Variants in KBTBD12 observed in about 807,000 individuals in gnomAD.
The protein encoded by KBTBD12 is kelch repeat and BTB domain-containing protein 12.
KBTBD12 carries 53 observed loss-of-function variants against 58.7 expected under a neutral mutation model. That is an observed-to-expected ratio of 0.90 (90% CI 0.72 to 1.14). KBTBD12 has a LOEUF of 1.14. KBTBD12 is among the 50% of genes most tolerant of loss of function. The pLI is 0.00. For synonymous variants in KBTBD12, 236 were observed against 259.8 expected, an observed-to-expected ratio of 0.91 and a Z score of 0.88; for missense variants, 704 against 751.3, an observed-to-expected ratio of 0.94 and a Z score of 0.74.
In KBTBD12 at chr3:127,984,235, T is replaced by A. The variant is rs1940926809; in HGVS notation, c.1829T>A (p.Ile610Asn). 5.6e-6 allele frequency: 9 copies of A among 1,613,656 alleles called. No individual in the cohort carries two copies. The South Asian group carries it at 8.8e-5, about 16-fold the overall frequency. Residue 610 changes from isoleucine to asparagine, a missense_variant, in exon 6 of 6, where the codon ATC becomes AAC. Ile to Asn is a moderately radical substitution (Grantham distance 149). Transcript: ENST00000405109. ...LVARMNPRDL[I>N]PPPSDLVEEG... The stretch of plus-strand genomic sequence containing the variant: ...GCCAGGATGAATCCCCGAGACCTCA[T>A]CCCCCCGCCTTCAGATTTGGTGGAA...
chr3:127,933,211 T>G (rs1251808450), intron 4 of KBTBD12, among the ~76,000 whole-genome samples: 2 of 152,200 alleles, frequency 1.3e-5, no homozygotes, highest in Admixed American at 6.5e-5. Context: ...ATACTGAGCT[T>G]GAAGTAAGAC....
intron 4 of KBTBD12, among the ~76,000 whole-genome samples, chr3:127,935,182 C>A (rs1939801240): frequency 6.6e-6 from 1 of 152,166 alleles, no homozygotes; most frequent in African/African-American, 2.4e-5. Context: ...ATAAGCCCAT[C>A]ATGAAGTTGA....
Position 127,922,897 on chromosome 3 carries a change from A to G in KBTBD12, c.-112-53A>G, listed in dbSNP as rs1408412237. ...TTTTTAGAACTAATGCTGCATATCT[A>G]AATTATAGAGAATTTTTTCTTAGAA... On this transcript the variant is annotated intron_variant, in intron 1 of 5. Transcript: ENST00000405109. 1.3e-5 allele frequency: 7 copies of G among 553,946 alleles called. No homozygotes were observed. The Admixed American group carries it at 2.3e-4, about 18-fold the overall frequency. The allele number at this position is 553,946 out of a possible 1,614,324, so 34.3% of individuals were successfully genotyped here. A position where few individuals can be genotyped will look rare whatever the true frequency, so the allele number is the denominator to read the frequency against.
At chr3:127,927,508 T>G (rs1261242827) in intron 2 of KBTBD12, among the ~76,000 whole-genome samples, 1 of 152,162 alleles carries the variant, frequency 6.6e-6, no homozygotes, top group Non-Finnish European at 1.5e-5. Flanking sequence ...TCCTGGAAAA[T>G]CTATACTTTT....
At chr3:127,946,738 C>T (rs1233929589) in intron 4 of KBTBD12, among the ~76,000 whole-genome samples, 2 of 152,050 alleles carry the variant, frequency 1.3e-5, no homozygotes, top group Non-Finnish European at 2.9e-5. Flanking sequence ...CCCTTCTTTC[C>T]TTGTGAGATG....
Position 127,984,236 on chromosome 3 carries a change from C to T in KBTBD12, c.1830C>T (p.Ile610=), listed in dbSNP as rs780428981. The change falls in exon 6 of 6, where the codon ATC becomes ATT. Residue 610 remains isoleucine, a synonymous_variant. Coordinates refer to ENST00000405109, the MANE Select transcript of KBTBD12 (RefSeq NM_207335.4). ...LVARMNPRDL[I]PPPSDLVEEG... The stretch of plus-strand genomic sequence containing the variant: ...CCAGGATGAATCCCCGAGACCTCAT[C>T]CCCCCGCCTTCAGATTTGGTGGAAG... The T allele has an allele frequency of 3.1e-6, 5 of 1,613,832 alleles. No homozygotes were observed. Among genetic ancestry groups the T allele is most frequent in the East Asian group, 2.2e-5 (1 of 44,874 alleles).
Position 127,976,087 on chromosome 3 carries a change from T to C in KBTBD12, c.1691-8010T>C, listed in dbSNP as rs192711039. ...CATATAGACAGGTACATAATTTTGT[T>C]CTGACCATATGCAAGTAAGCTGCAT... On this transcript the variant is annotated intron_variant, in intron 5 of 5. Coordinates refer to ENST00000405109, the MANE Select transcript of KBTBD12 (RefSeq NM_207335.4). Among the ~76,000 whole-genome samples the C allele has an allele frequency of 5.9e-5, 9 of 152,352 alleles. No individual in the cohort carries two copies. In the East Asian group the frequency reaches 1.7e-3, roughly 29 times the overall value.
At chr3:127,925,556 G>A (rs10934832) in intron 2 of KBTBD12, among the ~76,000 whole-genome samples, 7,394 of 152,040 alleles carry the variant, frequency 0.049, 248 homozygotes, top group East Asian at 0.15. Context: ...GTCCTCAGAC[G>A]TCTTTCCTTT....
chr3:127,955,196 G>C (rs151189154), intron 4 of KBTBD12, among the ~76,000 whole-genome samples: 4 of 152,290 alleles, frequency 2.6e-5, no homozygotes, highest in Non-Finnish European at 4.4e-5. Context: ...TTGAAATAGG[G>C]ACTTTTCATT....
chr3:127,977,772 A>T (rs1576397284), intron 5 of KBTBD12, among the ~76,000 whole-genome samples: 1 of 152,168 alleles, frequency 6.6e-6, no homozygotes, highest in African/African-American at 2.4e-5. Flanking sequence ...CCCATTCTAT[A>T]GGTTGTTTGT....
intron 1 of KBTBD12, among the ~76,000 whole-genome samples, chr3:127,920,044 A>C (rs1044008088): frequency 1.3e-5 from 2 of 152,008 alleles, no homozygotes; most frequent in Non-Finnish European, 2.9e-5. Context: ...TTTTTCTGCA[A>C]CTCCTGAAGG....
At chr3:127,957,835 T>C (rs986299069) in intron 4 of KBTBD12, among the ~76,000 whole-genome samples, 1 of 152,118 alleles carries the variant, frequency 6.6e-6, no homozygotes, top group Non-Finnish European at 1.5e-5. Context: ...AGGCAACATA[T>C]AGGGAGATAA....
In KBTBD12 at chr3:127,987,198, A is replaced by C. The variant is rs1940986448; in HGVS notation, c.*2920A>C. Reference sequence around the variant, plus strand: ...TCCCCGAGGTCGAAACCGGTGCTTCACAGATTTCAGATGTCTGATCTTGAT... The same window carrying C: ...TCCCCGAGGTCGAAACCGGTGCTTCCCAGATTTCAGATGTCTGATCTTGAT... On this transcript the variant is annotated 3_prime_UTR_variant, in exon 6 of 6. Coordinates refer to ENST00000405109, the MANE Select transcript of KBTBD12 (RefSeq NM_207335.4). The C allele has an allele frequency of 6.6e-6, 1 of 152,264 alleles. No homozygotes were observed. The highest frequency in any genetic ancestry group is 2.1e-4 in the South Asian group (1 of 4,834). The allele number at this position is 152,264 out of a possible 1,614,324, so 9.4% of individuals were successfully genotyped here. A position where few individuals can be genotyped will look rare whatever the true frequency, so the allele number is the denominator to read the frequency against.
intron 2 of KBTBD12, among the ~76,000 whole-genome samples, chr3:127,926,607 A>G (rs1939572904): frequency 6.6e-6 from 1 of 152,160 alleles, no homozygotes; most frequent in African/African-American, 2.4e-5. Context: ...AGCCTCAAGT[A>G]AAGATGTCTC....
In KBTBD12 at chr3:127,985,100, G is replaced by A. The variant is rs1344372824; in HGVS notation, c.*822G>A. 2.0e-5 allele frequency: 3 copies of A among 152,346 alleles called. No homozygotes were observed. Among genetic ancestry groups the A allele is most frequent in the African/African-American group, 7.2e-5 (3 of 41,460 alleles). The allele number at this position is 152,346 out of a possible 1,614,324, so 9.4% of individuals were successfully genotyped here. Reference sequence around the variant, plus strand: ...TGGTCCACTCCGGGGCTGGCAGGGAGTGTCCTGGAGTGGGCTGACCCAGGC... The same window carrying A: ...TGGTCCACTCCGGGGCTGGCAGGGAATGTCCTGGAGTGGGCTGACCCAGGC... On this transcript the variant is annotated 3_prime_UTR_variant, in exon 6 of 6. Transcript: ENST00000405109.
chr3:127,919,736 C>T (rs1939351742), intron 1 of KBTBD12, among the ~76,000 whole-genome samples: 1 of 152,088 alleles, frequency 6.6e-6, no homozygotes, highest in Non-Finnish European at 1.5e-5. Context: ...TACCTACACC[C>T]TGACACATTA....
At chr3:127,917,237 C>T (rs138221817) in intron 1 of KBTBD12, among the ~76,000 whole-genome samples, 236 of 152,350 alleles carry the variant, frequency 1.5e-3, no homozygotes, top group Non-Finnish European at 2.8e-3. Flanking sequence ...CTGACTGACC[C>T]ATCTCAAGTT....
intron 4 of KBTBD12, among the ~76,000 whole-genome samples, chr3:127,956,539 T>A (rs1940324501): frequency 6.6e-6 from 1 of 152,200 alleles, no homozygotes; most frequent in South Asian, 2.1e-4. Flanking sequence ...AAATATACTT[T>A]TAGATTGCTT....
chr3:127,915,424 C>T lies in KBTBD12; in HGVS notation c.-275C>T, dbSNP rs1939204432. Reference sequence around the variant, plus strand: ...AGGCGCTGCCAGCGCCCTCCCTCCTCCTCCGCAGGGCGCGGGACCTCTATT... The same window carrying T: ...AGGCGCTGCCAGCGCCCTCCCTCCTTCTCCGCAGGGCGCGGGACCTCTATT... On this transcript the variant is annotated 5_prime_UTR_variant, in exon 1 of 6. Transcript: ENST00000405109. 1 of 152,874 alleles carries T rather than the reference C, an allele frequency of 6.5e-6. No homozygotes were observed. The highest frequency in any genetic ancestry group is 1.5e-5 in the Non-Finnish European group (1 of 68,464). The allele number at this position is 152,874 out of a possible 1,614,324, so 9.5% of individuals were successfully genotyped here.
Sources: allele counts gnomAD v4.1 joint callset (sites outside exome capture counted in the v4.1 genomes callset), GRCh38; gene constraint gnomAD v4.1.1; transcripts MANE v1.5; gene names NCBI Gene and HGNC (gene_info 2026-07-23, HGNC 2026-07-21).